The following ANKRD11 variants were observed in gnomAD, a reference collection of about 807,000 sequenced individuals.
ANKRD11 encodes ankyrin repeat domain-containing protein 11.
In ANKRD11, 17 loss-of-function variants were observed where a neutral mutation model predicts 195.7. The ratio of observed to expected loss-of-function variants is 0.09; its 90% confidence interval spans 0.06 to 0.13. The LOEUF is 0.13. Ranked by LOEUF, ANKRD11 falls within the 10% of genes least tolerant of loss-of-function variation. The probability of loss-of-function intolerance (pLI) is 1.00; values close to 1 mark genes in which losing one functional copy is unlikely to be tolerated. For missense variants in ANKRD11, 3,735 were observed against 3,566.1 expected (o/e 1.05, Z -1.21); for synonymous variants, 1,953 against 1,528.1 (o/e 1.28, Z -6.49).
At chr16:89,460,512 T>C (rs1487965575) in intron 1 of ANKRD11, among the ~76,000 whole-genome samples, 4 of 152,144 alleles carry the variant, frequency 2.6e-5, no homozygotes, top group Non-Finnish European at 5.9e-5. Context: ...TGAGCCAAGA[T>C]AGTGCCATTG....
At chr16:89,417,851 G>A (rs150636221) in intron 2 of ANKRD11, among the ~76,000 whole-genome samples, 18 of 151,530 alleles carry the variant, frequency 1.2e-4, no homozygotes, top group African/African-American at 3.6e-4. Flanking sequence ...AAGACCACCA[G>A]GATCCTAACG....
rs570760647 is a variant in ANKRD11, at chr16:89,291,643, C to G, written c.227-460G>C. ...ATAAAATGGCAGACACAGTTTAAAA[C>G]ACATCAGTAAATCAAGGCCAACTGG... On this transcript the variant is annotated intron_variant, in intron 4 of 12. Coordinates refer to ENST00000301030, the MANE Select transcript of ANKRD11 (RefSeq NM_013275.6). The surrounding 1 kb of genome is among the most constrained non-coding windows in gnomAD (Gnocchi z 5.3). The G allele has an allele frequency of 7.8e-7, 1 of 1,275,462 alleles. No homozygotes were observed. The highest frequency in any genetic ancestry group is 1.5e-5 in the African/African-American group (1 of 65,736). The allele number at this position is 1,275,462 out of a possible 1,614,324, so 79.0% of individuals were successfully genotyped here. A position where few individuals can be genotyped will look rare whatever the true frequency, so the allele number is the denominator to read the frequency against.
At chr16:89,296,387 G>A (rs1034394731) in intron 4 of ANKRD11, among the ~76,000 whole-genome samples, 1 of 152,020 alleles carries the variant, frequency 6.6e-6, no homozygotes, top group Non-Finnish European at 1.5e-5. Flanking sequence ...ACAGCTCCCC[G>A]CTTCCTGCAG....
chr16:89,391,569 T>A (rs958676429), intron 2 of ANKRD11, among the ~76,000 whole-genome samples: 13 of 152,196 alleles, frequency 8.5e-5, no homozygotes, highest in African/African-American at 3.1e-4. Flanking sequence ...AGGAAAAATC[T>A]GAGTTTTCCC....
At chr16:89,466,686 A>T (rs570368148) in intron 1 of ANKRD11, among the ~76,000 whole-genome samples, 1 of 152,358 alleles carries the variant, frequency 6.6e-6, no homozygotes, top group South Asian at 2.1e-4. Context: ...GAATTGAAAC[A>T]GGTGTTAAAA....
intron 4 of ANKRD11, chr16:89,299,882 C>G (rs2035726944): frequency 5.3e-6 from 1 of 188,690 alleles, no homozygotes; most frequent in African/African-American, 3.3e-5. Context: ...GGTCTGTACC[C>G]TGTGTGGGGT....
At chr16:89,436,080 T>C (rs2043204295) in intron 1 of ANKRD11, among the ~76,000 whole-genome samples, 1 of 152,092 alleles carries the variant, frequency 6.6e-6, no homozygotes, top group South Asian at 2.1e-4. Flanking sequence ...AAGGAAAGAT[T>C]CCCCATTTGG....
At chr16:89,358,318 T>G (rs944315278) in intron 2 of ANKRD11, among the ~76,000 whole-genome samples, 1 of 152,244 alleles carries the variant, frequency 6.6e-6, no homozygotes, top group Non-Finnish European at 1.5e-5. Flanking sequence ...ACATCACAGC[T>G]GCATATTCAC....
chr16:89,286,641 T>C, intron 7 of ANKRD11: 4 of 1,218,168 alleles, frequency 3.3e-6, no homozygotes, highest in Non-Finnish European at 4.2e-6. Context: ...GGGGACAGAA[T>C]AGAGGAAACA....
chr16:89,466,082 T>C (rs576902422), intron 1 of ANKRD11, among the ~76,000 whole-genome samples: 1 of 151,964 alleles, frequency 6.6e-6, no homozygotes, highest in East Asian at 1.9e-4. Flanking sequence ...TGTCATAAAC[T>C]CAACAAGCTG....
chr16:89,278,960 G>C (rs2033914601), intron 9 of ANKRD11, 112 bp downstream of exon 9: 1 of 1,502,296 alleles, frequency 6.7e-7, no homozygotes, highest in South Asian at 1.2e-5. Flanking sequence ...AGAAGGTCGA[G>C]AGAGGTCAAG....
intron 1 of ANKRD11, among the ~76,000 whole-genome samples, chr16:89,441,276 C>T (rs1486265163): frequency 6.6e-6 from 1 of 151,916 alleles, no homozygotes; most frequent in Admixed American, 6.6e-5. Flanking sequence ...CGCTAAAACC[C>T]TCTGGAGTGA....
chr16:89,460,626 C>T (rs2056620582), intron 1 of ANKRD11, among the ~76,000 whole-genome samples: 1 of 152,080 alleles, frequency 6.6e-6, no homozygotes, highest in Non-Finnish European at 1.5e-5. Context: ...AATCTCAGCA[C>T]TATGGAAGGT....
chr16:89,352,734 G>C (rs1432217837), intron 2 of ANKRD11, among the ~76,000 whole-genome samples: 1 of 152,208 alleles, frequency 6.6e-6, no homozygotes, highest in Non-Finnish European at 1.5e-5. Flanking sequence ...AGTCCCGCTT[G>C]CCTCTGAAAA....
chr16:89,340,018 G>A (rs1312240139), intron 2 of ANKRD11: 2 of 152,202 alleles, frequency 1.3e-5, no homozygotes, highest in African/African-American at 2.4e-5. Flanking sequence ...CAACTGCAGT[G>A]TGCGCTCCTC....
Position 89,267,798 on chromosome 16 carries a change from T to TATG in ANKRD11, c.*677_*679dup, listed in dbSNP as rs1353794259. 6.6e-6 allele frequency: 1 copy of TATG among 151,898 alleles called. No homozygotes were observed. The highest frequency in any genetic ancestry group is 2.4e-5 in the African/African-American group (1 of 41,250). 9.4% of individuals were successfully genotyped at this position (151,898 alleles called of 1,614,324 possible). ...ACAGCGTTTACGGATACACTTTTTA[T>TATG]ATGATTATTGGCTCTGTAGTGTTTC... On this transcript the variant is annotated 3_prime_UTR_variant, in exon 13 of 13. Coordinates refer to ENST00000301030, the MANE Select transcript of ANKRD11 (RefSeq NM_013275.6).
intron 2 of ANKRD11, among the ~76,000 whole-genome samples, chr16:89,379,276 C>T (rs2040547239): frequency 6.6e-6 from 1 of 152,228 alleles, no homozygotes; most frequent in African/African-American, 2.4e-5. Context: ...AAACTTAGGG[C>T]TTTCTCACAA....
At chr16:89,337,731 T>G (rs889919551) in intron 2 of ANKRD11, among the ~76,000 whole-genome samples, 1 of 152,184 alleles carries the variant, frequency 6.6e-6, no homozygotes, top group Non-Finnish European at 1.5e-5. Flanking sequence ...TAAGCCACTG[T>G]GCCCGGCCTG....
intron 2 of ANKRD11, among the ~76,000 whole-genome samples, chr16:89,330,126 T>G (rs1252206494): frequency 6.6e-6 from 1 of 152,210 alleles, no homozygotes; most frequent in African/African-American, 2.4e-5. Context: ...ACATTAAACA[T>G]TTAAAGGATT....
Sources: gnomAD v4.1 joint callset for allele counts (sites outside exome capture counted in the v4.1 genomes callset) on GRCh38, gnomAD v4.1.1 for gene constraint, Gnocchi (gnomAD v3.1) non-coding constraint, MANE v1.5 for transcripts, NCBI Gene and HGNC (gene_info 2026-07-23, HGNC 2026-07-21) for gene names.